ASIC2: variants seen among roughly 807,000 people sequenced by gnomAD.
The protein encoded by ASIC2 is acid-sensing ion channel 2.
In ASIC2, 25 loss-of-function variants were observed where a neutral mutation model predicts 57.3. That is an observed-to-expected ratio of 0.44 (90% confidence interval 0.32 to 0.61). The LOEUF (loss-of-function observed/expected upper bound fraction) is 0.61. ASIC2 is among the 20% of genes least tolerant of loss of function. The pLI is 0.06. For synonymous variants in ASIC2, 319 were observed against 307.5 expected, an observed-to-expected ratio of 1.04 and a Z score of -0.39; for missense variants, 641 against 738.1, an observed-to-expected ratio of 0.87 and a Z score of 1.52.
chr17:34,139,756 G>T (rs756972355), intron 1 of ASIC2, among the ~76,000 whole-genome samples: 1 of 152,090 alleles, frequency 6.6e-6, no homozygotes, highest in Non-Finnish European at 1.5e-5. Context: ...CTGGAGGGGG[G>T]GGGATTGATG....
Position 33,292,676 on chromosome 17 carries a change from C to T in ASIC2, c.-561G>A. The T allele has an allele frequency of 2.3e-5, 23 of 985,626 alleles. No homozygotes were observed. The highest frequency in any genetic ancestry group is 2.7e-5 in the Non-Finnish European group (22 of 830,098). The allele number at this position is 985,626 out of a possible 1,614,324, so 61.1% of individuals were successfully genotyped here. A position where few individuals can be genotyped will look rare whatever the true frequency, so the allele number is the denominator to read the frequency against. On this transcript the variant is annotated 5_prime_UTR_variant, in exon 1 of 10. Coordinates refer to ENST00000225823, the MANE Select transcript of ASIC2 (RefSeq NM_183377.2). ...AGAGAAGGCGCCAAGGAACGAGCGC[C>T]CCCAGAGGCGCACCGCGGCTCCTGG...
intron 1 of ASIC2, among the ~76,000 whole-genome samples, chr17:34,053,219 G>A (rs982784081): frequency 2.6e-5 from 4 of 151,994 alleles, no homozygotes; most frequent in Non-Finnish European, 5.9e-5. Context: ...TCAGGCTGGC[G>A]GCTCCATTGT....
chr17:33,917,266 T>C (rs1259867162), intron 1 of ASIC2, among the ~76,000 whole-genome samples: 1 of 152,202 alleles, frequency 6.6e-6, no homozygotes, highest in Non-Finnish European at 1.5e-5. Flanking sequence ...ATGCTCTTCT[T>C]GGGTGTCCCA....
intron 1 of ASIC2, among the ~76,000 whole-genome samples, chr17:33,960,076 G>A (rs191696567): frequency 1.9e-3 from 288 of 152,324 alleles, no homozygotes; most frequent in African/African-American, 6.4e-3. Flanking sequence ...AGCTCCAGTT[G>A]TTGGTTTAGG....
chr17:33,556,172 G>A (rs1285052119), intron 1 of ASIC2, among the ~76,000 whole-genome samples: 2 of 152,214 alleles, frequency 1.3e-5, no homozygotes, highest in Non-Finnish European at 2.9e-5. Context: ...GTCTGTGGGT[G>A]CATCATGGTG....
At chr17:33,901,415 G>A (rs753249213) in intron 1 of ASIC2, among the ~76,000 whole-genome samples, 3 of 152,078 alleles carry the variant, frequency 2.0e-5, no homozygotes, top group Non-Finnish European at 4.4e-5. Flanking sequence ...GGTGAGCGGG[G>A]CTCAGGTTAG....
chr17:33,089,042 T>C (rs2092147498), intron 2 of ASIC2, 52 bp from the exon 3 acceptor site: 4 of 1,607,880 alleles, frequency 2.5e-6, no homozygotes, highest in African/African-American at 1.3e-5. Flanking sequence ...CAGATGCTCA[T>C]GGAGTCCTGG....
At chr17:33,978,864 C>A (rs1439754181) in intron 1 of ASIC2, among the ~76,000 whole-genome samples, 1 of 152,144 alleles carries the variant, frequency 6.6e-6, no homozygotes, top group Admixed American at 6.5e-5. Context: ...GGCTTCTAAA[C>A]ATGGGTCATA....
intron 1 of ASIC2, among the ~76,000 whole-genome samples, chr17:33,407,112 T>A (rs112514019): frequency 0.023 from 3,571 of 152,330 alleles, 37 homozygotes; most frequent in Middle Eastern, 0.044. Context: ...GATAATATTA[T>A]CTACTTTAGC....
At chr17:33,341,072 A>C (rs1907701437) in intron 1 of ASIC2, among the ~76,000 whole-genome samples, 1 of 152,172 alleles carries the variant, frequency 6.6e-6, no homozygotes, top group Non-Finnish European at 1.5e-5. Context: ...TTCCAAAACA[A>C]GGATGAATTT....
chr17:33,252,793 A>C (rs554154436), intron 1 of ASIC2, among the ~76,000 whole-genome samples: 1 of 152,000 alleles, frequency 6.6e-6, no homozygotes, highest in African/African-American at 2.4e-5. Flanking sequence ...TCTTCCCCTC[A>C]TCCAAGAACT....
chr17:33,801,901 G>T (rs138637607), intron 1 of ASIC2, among the ~76,000 whole-genome samples: 3 of 152,202 alleles, frequency 2.0e-5, no homozygotes, highest in African/African-American at 7.2e-5. Flanking sequence ...TTCCATCATC[G>T]CAGAGTGTAG....
At chr17:33,381,154 T>C (rs150188445) in intron 1 of ASIC2, among the ~76,000 whole-genome samples, 4 of 152,340 alleles carry the variant, frequency 2.6e-5, no homozygotes, top group African/African-American at 9.6e-5. Flanking sequence ...GAAGAACTCT[T>C]ATTCCATCTC....
At chr17:33,302,162 T>A (rs535090448) in intron 1 of ASIC2, among the ~76,000 whole-genome samples, 6 of 152,220 alleles carry the variant, frequency 3.9e-5, no homozygotes, top group Admixed American at 3.3e-4. Context: ...CAGCATTGGC[T>A]GTGGTCATAA....
At chr17:33,612,198 A>G (rs1431117339) in intron 1 of ASIC2, among the ~76,000 whole-genome samples, 1 of 152,184 alleles carries the variant, frequency 6.6e-6, no homozygotes, top group African/African-American at 2.4e-5. Flanking sequence ...TTTAAATGTC[A>G]ATCTTATCCA....
chr17:33,090,344 C>A (rs965149534), intron 2 of ASIC2, among the ~76,000 whole-genome samples: 3 of 152,228 alleles, frequency 2.0e-5, no homozygotes, highest in Non-Finnish European at 4.4e-5. Flanking sequence ...CTCCAGCAGG[C>A]TGGAGTATCC....
At chr17:33,577,739 TG>T (rs1442737761) in intron 1 of ASIC2, among the ~76,000 whole-genome samples, 20 of 152,262 alleles carry the variant, frequency 1.3e-4, no homozygotes, top group Non-Finnish European at 2.8e-4. Context: ...CAGATATGAC[TG>T]CTCAGCCTCA....
intron 1 of ASIC2, among the ~76,000 whole-genome samples, chr17:33,186,967 C>T (rs946003585): frequency 6.6e-6 from 1 of 152,126 alleles, no homozygotes; most frequent in Non-Finnish European, 1.5e-5. Flanking sequence ...TATACAACAA[C>T]CGGTGATGAC....
At chr17:33,854,007 A>G (rs1415333997) in intron 1 of ASIC2, among the ~76,000 whole-genome samples, 2 of 152,244 alleles carry the variant, frequency 1.3e-5, no homozygotes, top group African/African-American at 4.8e-5. Flanking sequence ...ATCGAAGTTA[A>G]AAGTCTAAGA....
Sources: gnomAD v4.1 joint callset for allele counts (sites outside exome capture counted in the v4.1 genomes callset) on GRCh38, gnomAD v4.1.1 for gene constraint, MANE v1.5 for transcripts, NCBI Gene and HGNC (gene_info 2026-07-23, HGNC 2026-07-21) for gene names.